RHOQ: variants seen among roughly 807,000 people sequenced by gnomAD.
RHOQ encodes ras homolog family member Q, also known as rho-related GTP-binding protein RhoQ.
RHOQ carries 7 observed loss-of-function variants against 25.8 expected under a neutral mutation model. That is an observed-to-expected ratio of 0.27 (90% CI 0.15 to 0.51). RHOQ has a LOEUF of 0.51. Among genes scored for constraint, RHOQ ranks in the 20% least tolerant of loss-of-function variants. The pLI, the probability that RHOQ is intolerant of heterozygous loss-of-function variation, is 0.97. For synonymous variants in RHOQ, 97 were observed against 98.6 expected (o/e 0.98, Z 0.10); for missense variants, 165 against 260.6 (o/e 0.63, Z 2.53).
rs1342502577 is a variant in RHOQ, at chr2:46,583,453, T to G, written c.*2370T>G. On this transcript the variant is annotated 3_prime_UTR_variant, in exon 5 of 5. Transcript: ENST00000238738. ...AGATGGTAAAAATCATGTATATAGA[T>G]TATCAGAACTCTAAGCAAAGATGAC... 6.6e-6 allele frequency among the ~76,000 whole-genome samples: 1 copy of G among 152,132 alleles called. No homozygotes were observed. The highest frequency in any genetic ancestry group is 1.5e-5 in the Non-Finnish European group (1 of 67,984).
intron 2 of RHOQ, chr2:46,568,728 A>T (rs903556746): frequency 1.3e-5 from 2 of 152,050 alleles, no homozygotes; most frequent in Non-Finnish European, 2.9e-5. Flanking sequence ...AATGTCCGAA[A>T]TGCCCCCCAG....
intron 2 of RHOQ, among the ~76,000 whole-genome samples, chr2:46,551,046 G>C (rs1476066896): frequency 6.6e-6 from 1 of 152,172 alleles, no homozygotes; most frequent in African/African-American, 2.4e-5. Flanking sequence ...GGTTGCCAGT[G>C]TGGACCCCCA....
intron 2 of RHOQ, among the ~76,000 whole-genome samples, chr2:46,565,333 G>A (rs1271944031): frequency 6.6e-6 from 1 of 152,186 alleles, no homozygotes; most frequent in African/African-American, 2.4e-5. Flanking sequence ...GAAAGAAGGA[G>A]GAAGTAGGAG....
intron 2 of RHOQ, chr2:46,568,433 G>A (rs1668804283): frequency 6.6e-6 from 1 of 152,178 alleles, no homozygotes; most frequent in African/African-American, 2.4e-5. Context: ...CATGACCACG[G>A]GGAGGTTGTG....
chr2:46,573,575 C>T (rs1221930093), intron 2 of RHOQ, among the ~76,000 whole-genome samples: 1 of 152,216 alleles, frequency 6.6e-6, no homozygotes, highest in African/African-American at 2.4e-5. Flanking sequence ...CCTTTGTGCT[C>T]ACGTCTCTCA....
rs1668936279 is a variant in RHOQ, at chr2:46,572,102, T to C, written c.202-3985T>C. Reference sequence around the variant, plus strand: ...TTGCAGATTCTTATCAGGTGGTAAGTGTGTGTTTTTTTTTTTTTTTTTTTT... The same window carrying C: ...TTGCAGATTCTTATCAGGTGGTAAGCGTGTGTTTTTTTTTTTTTTTTTTTT... On this transcript the variant is annotated intron_variant, in intron 2 of 4. Transcript: ENST00000238738. Among the ~76,000 whole-genome samples, 2 of 127,558 alleles carry C rather than the reference T, an allele frequency of 1.6e-5. 1 individual carries two copies. Among genetic ancestry groups the C allele is most frequent in the South Asian group, 5.2e-4 (2 of 3,876 alleles). 83.7% of individuals were successfully genotyped at this position (127,558 alleles called of 152,430 possible). A position where few individuals can be genotyped will look rare whatever the true frequency, so the allele number is the denominator to read the frequency against.
intron 1 of RHOQ, 99 bp downstream of exon 1, chr2:46,543,287 C>T (rs1489659440): frequency 2.2e-6 from 3 of 1,369,366 alleles, no homozygotes; most frequent in Non-Finnish European, 3.1e-6. Flanking sequence ...GAGCGCACTC[C>T]TCTCCCCTCC....
Position 46,580,952 on chromosome 2 carries a change from T to A in RHOQ, c.487T>A (p.Cys163Ser), listed in dbSNP as rs773346940. 1.3e-6 allele frequency: 2 copies of A among 1,534,264 alleles called. No homozygotes were observed. Among genetic ancestry groups the A allele is most frequent in the Non-Finnish European group, 1.7e-6 (2 of 1,147,360 alleles). Residue 163 changes from cysteine to serine, a missense_variant, in exon 5 of 5, where the codon TGT (cysteine) becomes AGT (serine). Physicochemically the swap from Cys to Ser is moderately radical, Grantham distance 112 (BLOSUM62 -1). Coordinates refer to ENST00000238738, the MANE Select transcript of RHOQ (RefSeq NM_012249.4). ...KEIGACCYVE[C>S]SALTQKGLKT... ...GATAGGAGCATGCTGCTATGTGGAATGTTCAGCTTTAACCCAGAAGGGATT... is the reference window on the plus strand; with the variant it reads ...GATAGGAGCATGCTGCTATGTGGAAAGTTCAGCTTTAACCCAGAAGGGATT...
At chr2:46,549,715 G>T (rs1490726434) in intron 2 of RHOQ, among the ~76,000 whole-genome samples, 1 of 152,094 alleles carries the variant, frequency 6.6e-6, no homozygotes, top group East Asian at 1.9e-4. Flanking sequence ...TCCTCTTTTG[G>T]TTTCTGAGCA....
chr2:46,558,025 T>C (rs1034624656), intron 2 of RHOQ, among the ~76,000 whole-genome samples: 21 of 152,258 alleles, frequency 1.4e-4, no homozygotes, highest in African/African-American at 5.1e-4. Flanking sequence ...TGAACAATTA[T>C]CTTGTTGCTT....
rs1668755411 is a variant in RHOQ at position 46,566,992 on chromosome 2, T to A, written c.202-9095T>A. 6.6e-6 allele frequency among the ~76,000 whole-genome samples: 1 copy of A among 152,244 alleles called. No homozygotes were observed. On this transcript the variant is annotated intron_variant, in intron 2 of 4. Transcript: ENST00000238738. The surrounding 1 kb of genome is among the most constrained non-coding windows in gnomAD (Gnocchi z 4.2). ...TTCAATGCCTGATTTGATACCTCAA[T>A]TTTATCAGACCCATCTCCCATTTTT...
At chr2:46,577,565 ATT>A (rs908178158) in intron 4 of RHOQ, among the ~76,000 whole-genome samples, 351 of 64,914 alleles carry the variant, frequency 5.4e-3, no homozygotes, top group African/African-American at 0.019. Context: ...ACACCCGGCT[ATT>A]TTTTTTTTTT....
rs747815125 is a variant in RHOQ at position 46,581,478 on chromosome 2, T to C, written c.*395T>C. ...AAAGAAATATCTCCCTTTGCTCCAG[T>C]TAATTGTTCTTGTATGTAAGTTGCT... On this transcript the variant is annotated 3_prime_UTR_variant, in exon 5 of 5. Coordinates refer to ENST00000238738, the MANE Select transcript of RHOQ (RefSeq NM_012249.4). The C allele has an allele frequency of 6.2e-7, 1 of 1,610,622 alleles. No individual in the cohort carries two copies. Among genetic ancestry groups the C allele is most frequent in the Non-Finnish European group, 8.5e-7 (1 of 1,179,062 alleles).
rs1399431118 is a variant in RHOQ, at chr2:46,581,451, A to C, written c.*368A>C. The stretch of plus-strand genomic sequence containing the variant: ...TCTGCCCAGCCCTTACAGAATCTGC[A>C]CAAAGAAATATCTCCCTTTGCTCCA... On this transcript the variant is annotated 3_prime_UTR_variant, in exon 5 of 5. Transcript: ENST00000238738. The C allele has an allele frequency of 6.2e-7, 1 of 1,604,330 alleles. No homozygotes were observed. The highest frequency in any genetic ancestry group is 8.5e-7 in the Non-Finnish European group (1 of 1,175,670).
chr2:46,565,005 A>T (rs182640904), intron 2 of RHOQ, among the ~76,000 whole-genome samples: 52 of 152,326 alleles, frequency 3.4e-4, no homozygotes, highest in African/African-American at 1.2e-3. Flanking sequence ...AGTGAGTGGC[A>T]AATCCTTTTA....
intron 2 of RHOQ, among the ~76,000 whole-genome samples, chr2:46,546,669 G>A (rs547164521): frequency 3.3e-5 from 5 of 151,252 alleles, no homozygotes; most frequent in South Asian, 2.1e-4. Context: ...TAGTAAAAAC[G>A]TGAATAATTA....
chr2:46,571,378 C>T (rs150055507), intron 2 of RHOQ, among the ~76,000 whole-genome samples: 130 of 152,302 alleles, frequency 8.5e-4, no homozygotes, highest in African/African-American at 2.9e-3. Flanking sequence ...GTCTGCAAGG[C>T]GCTGGAGTGG....
chr2:46,549,155 G>A (rs550061465), intron 2 of RHOQ, among the ~76,000 whole-genome samples: 135 of 152,214 alleles, frequency 8.9e-4, no homozygotes, highest in African/African-American at 3.2e-3. Flanking sequence ...ACATTCCCAC[G>A]CTTTGAACGA....
chr2:46,543,997 C>T (rs1667953487), intron 2 of RHOQ, among the ~76,000 whole-genome samples, 185 bp downstream of exon 2: 1 of 152,132 alleles, frequency 6.6e-6, no homozygotes. Flanking sequence ...CAAACAGAGC[C>T]GGATAAGCCC....
Sources: allele counts gnomAD v4.1 joint callset (sites outside exome capture counted in the v4.1 genomes callset), GRCh38; gene constraint gnomAD v4.1.1; non-coding constraint Gnocchi (gnomAD v3.1); transcripts MANE v1.5; gene names NCBI Gene and HGNC (gene_info 2026-07-23, HGNC 2026-07-21).